The following ADAM12 variants were observed in gnomAD, a reference collection of about 807,000 sequenced individuals.
The protein encoded by ADAM12 is disintegrin and metalloproteinase domain-containing protein 12.
In ADAM12, 70 loss-of-function variants were observed where a neutral mutation model predicts 106.4. The observed-to-expected ratio is 0.66, with a 90% CI of 0.54 to 0.80. The LOEUF (loss-of-function observed/expected upper bound fraction) is 0.80, where lower values mean the gene tolerates loss of function less well. ADAM12 is among the 30% of genes least tolerant of loss of function. The pLI is 0.00. For missense variants in ADAM12, 1,010 were observed against 1,171.9 expected, an observed-to-expected ratio of 0.86 and a Z score of 2.02; for synonymous variants, 420 against 433.5, an observed-to-expected ratio of 0.97 and a Z score of 0.39.
intron 11 of ADAM12, among the ~76,000 whole-genome samples, chr10:126,081,845 C>T (rs1407066646): frequency 2.6e-5 from 4 of 152,196 alleles, no homozygotes; most frequent in Admixed American, 2.6e-4. Context: ...GCGAATCCCC[C>T]CGTATATGAT....
intron 5 of ADAM12, among the ~76,000 whole-genome samples, chr10:126,127,481 G>A (rs1418615701): frequency 6.6e-6 from 1 of 152,208 alleles, no homozygotes; most frequent in Non-Finnish European, 1.5e-5. Flanking sequence ...AACATGCCAG[G>A]GTCTAGGACA....
intron 3 of ADAM12, among the ~76,000 whole-genome samples, chr10:126,196,583 T>C (rs1358924421): frequency 6.6e-6 from 1 of 152,242 alleles, no homozygotes; most frequent in African/African-American, 2.4e-5. Flanking sequence ...GCCCCTTCTA[T>C]GTCGCTGAGT....
intron 10 of ADAM12, among the ~76,000 whole-genome samples, chr10:126,095,969 T>C (rs935586933): frequency 7.9e-5 from 12 of 152,226 alleles, no homozygotes; most frequent in Non-Finnish European, 1.3e-4. Flanking sequence ...TCATGTAAGA[T>C]CTTACAGGTT....
At chr10:126,192,661 C>A (rs979110350) in intron 3 of ADAM12, among the ~76,000 whole-genome samples, 1 of 152,216 alleles carries the variant, frequency 6.6e-6, no homozygotes, top group Non-Finnish European at 1.5e-5. Flanking sequence ...TAGATGGGAT[C>A]CCCCTCGGGA....
At chr10:126,131,103 TC>T (rs1956295886) in intron 5 of ADAM12, among the ~76,000 whole-genome samples, 1 of 105,464 alleles carries the variant, frequency 9.5e-6, no homozygotes, top group African/African-American at 4.0e-5. Context: ...TCAGCTGTCT[TC>T]TTTTTTTTTT....
At chr10:126,179,983 G>C (rs73380549) in intron 3 of ADAM12, among the ~76,000 whole-genome samples, 2,009 of 152,080 alleles carry the variant, frequency 0.013, 57 homozygotes, top group African/African-American at 0.046. Flanking sequence ...ATAAACCAAT[G>C]CAAAAAACCC....
At chr10:126,331,649 G>C (rs968023954) in intron 1 of ADAM12, among the ~76,000 whole-genome samples, 1 of 152,156 alleles carries the variant, frequency 6.6e-6, no homozygotes, top group African/African-American at 2.4e-5. Flanking sequence ...AAGAGGACAA[G>C]GAACAGGAAT....
rs2290843 is a variant in ADAM12, at chr10:126,098,443, C to T, written c.969G>A (p.Thr323=). ...IGMAPIMSMC[T]ADQSGGIVMD... is the part of the protein sequence containing the mutation. Reference sequence around the variant, plus strand: ...TGACAATTCCCCCAGACTGGTCTGCCGTGCACATGCTCATGATTGGGGCCA... The same window carrying T: ...TGACAATTCCCCCAGACTGGTCTGCTGTGCACATGCTCATGATTGGGGCCA... The change falls in exon 10 of 23, where the codon ACG becomes ACA. Residue 323 remains threonine, a synonymous_variant. Coordinates refer to ENST00000448723, the MANE Select transcript of ADAM12 (RefSeq NM_001288973.2). The T allele has an allele frequency of 8.7e-3, 14,045 of 1,614,024 alleles. 452 individuals are homozygous for T. The highest frequency in any genetic ancestry group is 0.067 in the East Asian group (3,012 of 44,872).
At chr10:126,182,257 G>A (rs2133785719) in intron 3 of ADAM12, among the ~76,000 whole-genome samples, 1 of 152,260 alleles carries the variant, frequency 6.6e-6, no homozygotes, top group East Asian at 1.9e-4. Flanking sequence ...GATGTTGAGG[G>A]CCAGATATCT....
intron 8 of ADAM12, among the ~76,000 whole-genome samples, chr10:126,106,185 G>C (rs1264676090): frequency 6.6e-6 from 1 of 152,102 alleles, no homozygotes; most frequent in East Asian, 1.9e-4. Flanking sequence ...CTCACAGTAG[G>C]GGGAGTAGAG....
At chr10:126,245,086 ATGT>A (rs1434955671) in intron 3 of ADAM12, among the ~76,000 whole-genome samples, 1 of 152,144 alleles carries the variant, frequency 6.6e-6, no homozygotes, top group Non-Finnish European at 1.5e-5. Flanking sequence ...TGACACAGAG[ATGT>A]TGGAGTCACC....
chr10:126,082,389 T>TTTTTTTTG (rs1955243572), intron 11 of ADAM12, among the ~76,000 whole-genome samples: 1 of 146,952 alleles, frequency 6.8e-6, no homozygotes, highest in Non-Finnish European at 1.5e-5. Context: ...TTTTTTTTTA[T>TTTTTTTTG]GTGGAGTTTC....
At chr10:126,097,171 C>T (rs758913182) in intron 10 of ADAM12, among the ~76,000 whole-genome samples, 3 of 152,180 alleles carry the variant, frequency 2.0e-5, no homozygotes, top group Non-Finnish European at 4.4e-5. Context: ...AACCATGAAA[C>T]AGAAAATTAT....
At chr10:126,349,492 A>G (rs894184121) in intron 1 of ADAM12, among the ~76,000 whole-genome samples, 14 of 152,312 alleles carry the variant, frequency 9.2e-5, no homozygotes, top group Non-Finnish European at 2.9e-5. Flanking sequence ...TACCAAAATT[A>G]TTTGCTTTTA....
chr10:126,180,589 C>T (rs1022524795), intron 3 of ADAM12, among the ~76,000 whole-genome samples: 8 of 152,182 alleles, frequency 5.3e-5, no homozygotes, highest in Middle Eastern at 3.4e-3. Context: ...AAGATAAGCC[C>T]CAGTGTCTGT....
At chr10:126,383,077 T>C (rs1856547334) in intron 1 of ADAM12, among the ~76,000 whole-genome samples, 1 of 152,160 alleles carries the variant, frequency 6.6e-6, no homozygotes, top group Non-Finnish European at 1.5e-5. Flanking sequence ...CCTGAGTAGC[T>C]GGAACTAAAG....
intron 2 of ADAM12, among the ~76,000 whole-genome samples, chr10:126,285,949 G>C (rs1219147328): frequency 6.7e-6 from 1 of 149,350 alleles, no homozygotes; most frequent in African/African-American, 2.5e-5. Context: ...ATGATTGATT[G>C]ATTGGCTGAT....
At chr10:126,176,647 T>C (rs1206176718) in intron 3 of ADAM12, among the ~76,000 whole-genome samples, 1 of 152,198 alleles carries the variant, frequency 6.6e-6, no homozygotes, top group Non-Finnish European at 1.5e-5. Context: ...TTCAGTGGCA[T>C]AGGAAGCAAC....
chr10:126,189,877 C>G (rs928365408), intron 3 of ADAM12, among the ~76,000 whole-genome samples: 5 of 152,136 alleles, frequency 3.3e-5, no homozygotes, highest in African/African-American at 9.7e-5. Flanking sequence ...AATCCCCAAC[C>G]CTCGGACTCC....
Sources: allele counts gnomAD v4.1 joint callset (sites outside exome capture counted in the v4.1 genomes callset), GRCh38; gene constraint gnomAD v4.1.1; transcripts MANE v1.5; gene names NCBI Gene and HGNC (gene_info 2026-07-23, HGNC 2026-07-21).